The following XPO6 variants were observed in gnomAD, a reference collection of about 807,000 sequenced individuals.
XPO6 encodes the protein exportin 6.
A neutral mutation model predicts 130.0 loss-of-function variants in XPO6; 3 were observed. The ratio of observed to expected loss-of-function variants is 0.02; its 90% CI spans 0.01 to 0.06. The LOEUF is 0.06. XPO6 is among the 10% of genes least tolerant of loss of function. The pLI is 1.00. For missense variants in XPO6, 970 were observed against 1,393.0 expected (o/e 0.70, Z 4.83); for synonymous variants, 524 against 548.9 (o/e 0.95, Z 0.63).
At chr16:28,155,991 A>G in intron 7 of XPO6, 83 bp downstream of exon 7, 1 of 1,511,384 alleles carries the variant, frequency 6.6e-7, no homozygotes, top group Admixed American at 2.3e-5. Flanking sequence ...ATCAAAGAGG[A>G]TTACAGATGC....
chr16:28,202,279 T>C (rs753674641), intron 1 of XPO6, among the ~76,000 whole-genome samples: 2 of 152,202 alleles, frequency 1.3e-5, no homozygotes, highest in Non-Finnish European at 2.9e-5. Context: ...TCAGGGCCCA[T>C]GTTACTCTAC....
chr16:28,106,112 C>T lies in XPO6; in HGVS notation c.2715G>A (p.Gln905=), dbSNP rs761808406. The stretch of plus-strand genomic sequence containing the variant: ...TGCTGGGGAGGAAGGGCTTGAACAC[C>T]TGGCCTGGCTCCTGGACCACCACCT... ...ILQVVVQEPG[Q]VFKPFLPSII... is the part of the protein sequence containing the mutation. The change falls in exon 20 of 24, where the codon CAG becomes CAA. Residue 905 remains glutamine (Q), a synonymous_variant. Transcript: ENST00000304658. The surrounding 1 kb of genome is among the most constrained non-coding windows in gnomAD (Gnocchi z 4.2). 6 of 1,614,200 alleles carry T rather than the reference C, an allele frequency of 3.7e-6. No homozygotes were observed. Among genetic ancestry groups the T allele is most frequent in the Non-Finnish European group, 5.1e-6 (6 of 1,180,036 alleles).
rs765777520 is a variant in XPO6 at position 28,133,807 on chromosome 16, G to A, written c.1536+34C>T. ...GCCATGCTCTGTGTACAGAGAAATCGCTACACTCTCCACTCCCCCGGACAG... is the reference window on the plus strand; with the variant it reads ...GCCATGCTCTGTGTACAGAGAAATCACTACACTCTCCACTCCCCCGGACAG... On this transcript the variant is annotated intron_variant, in intron 11 of 23. Coordinates refer to ENST00000304658, the MANE Select transcript of XPO6 (RefSeq NM_015171.4). The A allele has an allele frequency of 1.4e-5, 22 of 1,605,684 alleles. No individual in the cohort carries two copies. In the East Asian group the frequency reaches 2.7e-4, roughly 20 times the overall value.
chr16:28,152,791 T>C lies in XPO6; in HGVS notation c.1098-6A>G. Reference sequence around the variant, plus strand: ...CAGTAAACTTCTCGATATAGCTAAATGAGACAAGACAAAAGGTGACAATAA... The same window carrying C: ...CAGTAAACTTCTCGATATAGCTAAACGAGACAAGACAAAAGGTGACAATAA... On this transcript the variant is annotated splice_polypyrimidine_tract_variant and splice_region_variant and intron_variant, in intron 7 of 23. Transcript: ENST00000304658. 2 of 1,610,376 alleles carry C rather than the reference T, an allele frequency of 1.2e-6. No individual in the cohort carries two copies. The highest frequency in any genetic ancestry group is 1.7e-6 in the Non-Finnish European group (2 of 1,178,868).
chr16:28,199,788 C>T (rs2141904834), intron 1 of XPO6, among the ~76,000 whole-genome samples: 1 of 152,100 alleles, frequency 6.6e-6, no homozygotes, highest in South Asian at 2.1e-4. Flanking sequence ...TTGTGATCTG[C>T]CCACCTTGGC....
chr16:28,174,821 G>A (rs1209168684), intron 4 of XPO6, among the ~76,000 whole-genome samples: 1 of 152,144 alleles, frequency 6.6e-6, no homozygotes, highest in African/African-American at 2.4e-5. Flanking sequence ...TCTATAAACT[G>A]TATATAATAC....
chr16:28,119,631 C>T (rs990993749), intron 14 of XPO6, among the ~76,000 whole-genome samples: 3 of 151,430 alleles, frequency 2.0e-5, no homozygotes, highest in African/African-American at 7.3e-5. Flanking sequence ...ATGTGTGGCT[C>T]ATGATTAGTT....
chr16:28,124,573 C>T (rs2087344729), intron 13 of XPO6, among the ~76,000 whole-genome samples: 1 of 152,156 alleles, frequency 6.6e-6, no homozygotes, highest in South Asian at 2.1e-4. Flanking sequence ...TTAAAATCCA[C>T]TCTCCCTCTC....
At position 28,101,444 on chromosome 16, in the gene XPO6, C is replaced by G. The variant is rs1228812685; in HGVS notation, c.3276+14G>C. 6.2e-7 allele frequency: 1 copy of G among 1,612,994 alleles called. No homozygotes were observed. Among genetic ancestry groups the G allele is most frequent in the Admixed American group, 1.7e-5 (1 of 59,998 alleles). ...CTCTGCCCTCCTCTTAGCCCGGCCT[C>G]TTTCTCTCCTCACCCGATCCATCTT... On this transcript the variant is annotated intron_variant, in intron 23 of 23. Transcript: ENST00000304658. This position sits in a 1 kb window ranked among gnomAD's most constrained non-coding sequence, Gnocchi z 5.4.
chr16:28,178,764 C>CAAAAAAAAA (rs139329056), intron 2 of XPO6, among the ~76,000 whole-genome samples: 5 of 138,388 alleles, frequency 3.6e-5, no homozygotes, highest in Non-Finnish European at 6.3e-5. Flanking sequence ...CAAAACAAAA[C>CAAAAAAAAA]AAAAAAAAAA....
At chr16:28,176,498 GA>G (rs1179044688) in intron 3 of XPO6, among the ~76,000 whole-genome samples, 1 of 151,434 alleles carries the variant, frequency 6.6e-6, no homozygotes, top group African/African-American at 2.4e-5. Flanking sequence ...ATTACAATTA[GA>G]TTTTTTTTTT....
At chr16:28,171,390 T>C (rs1596927459) in intron 4 of XPO6, among the ~76,000 whole-genome samples, 1 of 148,854 alleles carries the variant, frequency 6.7e-6, no homozygotes, top group South Asian at 2.1e-4. Context: ...GAGGCAAAGG[T>C]TGCAGTGAGC....
In XPO6 at chr16:28,211,788, C is replaced by G. The variant is rs1401743624; in HGVS notation, c.-420G>C. 6 of 274,918 alleles carry G rather than the reference C, an allele frequency of 2.2e-5. No individual in the cohort carries two copies. In the East Asian group the frequency reaches 3.9e-4, roughly 18 times the overall value. 17.0% of individuals were successfully genotyped at this position (274,918 alleles called of 1,614,324 possible). A position where few individuals can be genotyped will look rare whatever the true frequency, so the allele number is the denominator to read the frequency against. On this transcript the variant is annotated 5_prime_UTR_variant, in exon 1 of 24. Coordinates refer to ENST00000304658, the MANE Select transcript of XPO6 (RefSeq NM_015171.4). ...CGGGCGGAGGCTGACAGGCCTCGAC[C>G]GCGCGGCCCAGGCGGCCGGCTCAGG...
intron 5 of XPO6, among the ~76,000 whole-genome samples, chr16:28,167,938 C>T (rs1277825385): frequency 2.5e-4 from 15 of 61,136 alleles, no homozygotes; most frequent in African/African-American, 7.0e-4. Context: ...GAGAATGGGG[C>T]GGGGTGGGGG....
intron 9 of XPO6, among the ~76,000 whole-genome samples, chr16:28,139,460 C>A (rs539403487): frequency 4.6e-5 from 7 of 152,108 alleles, no homozygotes; most frequent in Non-Finnish European, 1.0e-4. Context: ...CCTGGAACTT[C>A]AAGAAGGAAG....
chr16:28,099,933 G>A (rs565403532), intron 23 of XPO6, among the ~76,000 whole-genome samples: 1 of 152,298 alleles, frequency 6.6e-6, no homozygotes, highest in Admixed American at 6.5e-5. Flanking sequence ...TTCCTGGGTA[G>A]AACACAGAAG....
At chr16:28,142,769 C>A (rs913046107) in intron 9 of XPO6, among the ~76,000 whole-genome samples, 1 of 152,182 alleles carries the variant, frequency 6.6e-6, no homozygotes, top group African/African-American at 2.4e-5. Context: ...CAGAGTCTTG[C>A]TATGTTGCCC....
chr16:28,192,215 A>G (rs2043797245), intron 1 of XPO6, among the ~76,000 whole-genome samples: 1 of 148,350 alleles, frequency 6.7e-6, no homozygotes, highest in African/African-American at 2.5e-5. Context: ...GTGAGCAGAG[A>G]TCGGGCCACT....
chr16:28,193,636 C>T (rs748860462), intron 1 of XPO6, among the ~76,000 whole-genome samples: 4 of 152,108 alleles, frequency 2.6e-5, no homozygotes, highest in African/African-American at 7.2e-5. Flanking sequence ...AAGCAGATGG[C>T]GCCTTTCTGG....
Sources: allele counts gnomAD v4.1 joint callset (sites outside exome capture counted in the v4.1 genomes callset), GRCh38; gene constraint gnomAD v4.1.1; non-coding constraint Gnocchi (gnomAD v3.1); transcripts MANE v1.5; gene names NCBI Gene and HGNC (gene_info 2026-07-23, HGNC 2026-07-21).